MOCOS: variants seen among roughly 807,000 people sequenced by gnomAD.
The protein encoded by MOCOS is human molybdenum cofactor sulfurase.
In MOCOS, 86 loss-of-function variants were observed where a neutral mutation model predicts 83.6. That is an observed-to-expected ratio of 1.03 (90% CI 0.86 to 1.23). MOCOS has a LOEUF of 1.23. Ranked by LOEUF, MOCOS falls within the 50% of genes most tolerant of loss-of-function variation. The pLI is 0.00. For missense variants in MOCOS, 1,120 were observed against 1,126.9 expected, an observed-to-expected ratio of 0.99 and a Z score of 0.09; for synonymous variants, 445 against 434.7, an observed-to-expected ratio of 1.02 and a Z score of -0.29.
chr18:36,188,373 C>T (rs540993708), intron 1 of MOCOS, among the ~76,000 whole-genome samples: 2 of 152,360 alleles, frequency 1.3e-5, no homozygotes, highest in African/African-American at 4.8e-5. Flanking sequence ...AAGATCACAT[C>T]GTGCCTTTCC....
At chr18:36,208,958 G>A (rs1469923649) in intron 6 of MOCOS, among the ~76,000 whole-genome samples, 2 of 152,104 alleles carry the variant, frequency 1.3e-5, no homozygotes, top group East Asian at 1.9e-4. Flanking sequence ...TTATTTTGAT[G>A]TATGTTCCTT....
chr18:36,219,832 G>A (rs1432759750), intron 8 of MOCOS, among the ~76,000 whole-genome samples: 1 of 152,228 alleles, frequency 6.6e-6, no homozygotes, highest in Non-Finnish European at 1.5e-5. Context: ...AAGTGGAGAA[G>A]GGTGGAGTGT....
In MOCOS at chr18:36,244,203, G is replaced by A. The variant is rs534000005; in HGVS notation, c.1961-4719G>A. 1.3e-5 allele frequency among the ~76,000 whole-genome samples: 2 copies of A among 151,734 alleles called. 1 individual carries two copies. The highest frequency in any genetic ancestry group is 1.3e-4 in the Admixed American group (2 of 15,230). ...TTTCTTTATTCTCTAGTTTTTTGAG[G>A]TGTGACCTTAGATTATTTATTTGTG... is the stretch of plus-strand genomic sequence containing the variant. On this transcript the variant is annotated intron_variant, in intron 9 of 14. Coordinates refer to ENST00000261326, the MANE Select transcript of MOCOS (RefSeq NM_017947.4).
chr18:36,226,324 A>T (rs2091515128), intron 9 of MOCOS, among the ~76,000 whole-genome samples: 1 of 152,158 alleles, frequency 6.6e-6, no homozygotes, highest in African/African-American at 2.4e-5. Flanking sequence ...TTTAATGGAC[A>T]TAATTATAGC....
intron 8 of MOCOS, 81 bp downstream of exon 8, chr18:36,216,058 A>G: frequency 1.5e-6 from 2 of 1,373,328 alleles, no homozygotes; most frequent in Non-Finnish European, 2.0e-6. Flanking sequence ...AAAAGCATGA[A>G]AAAAATCAAA....
chr18:36,195,458 A>G, intron 2 of MOCOS, 112 bp downstream of exon 2: 1 of 1,008,418 alleles, frequency 9.9e-7, no homozygotes, highest in Non-Finnish European at 1.5e-6. Context: ...AAAAAGCTGA[A>G]TAAGCCCCAT....
chr18:36,227,833 A>C (rs1258171925), intron 9 of MOCOS, among the ~76,000 whole-genome samples: 1 of 152,248 alleles, frequency 6.6e-6, no homozygotes, highest in Non-Finnish European at 1.5e-5. Flanking sequence ...AAAAATTGAC[A>C]AATGGGATAT....
At chr18:36,232,037 G>A (rs565179852) in intron 9 of MOCOS, among the ~76,000 whole-genome samples, 2 of 152,088 alleles carry the variant, frequency 1.3e-5, no homozygotes, top group Non-Finnish European at 2.9e-5. Context: ...CACAATCTCA[G>A]CTCACTGCAA....
intron 3 of MOCOS, 70 bp from the exon 4 acceptor site, chr18:36,199,612 TA>T: frequency 6.2e-7 from 1 of 1,603,984 alleles, no homozygotes; most frequent in South Asian, 1.1e-5. Flanking sequence ...TTAATAGAAA[TA>T]AAACAGCCTG....
intron 9 of MOCOS, among the ~76,000 whole-genome samples, chr18:36,241,121 A>C (rs981979920): frequency 4.6e-5 from 7 of 152,074 alleles, no homozygotes; most frequent in Non-Finnish European, 1.0e-4. Flanking sequence ...GGAGCTGTAG[A>C]CCGGAGCTGT....
chr18:36,220,715 G>T (rs2091493005), intron 9 of MOCOS, among the ~76,000 whole-genome samples: 1 of 152,038 alleles, frequency 6.6e-6, no homozygotes, highest in South Asian at 2.1e-4. Flanking sequence ...GAGGTCAAAA[G>T]TTCGAGACCA....
At chr18:36,201,751 G>C (rs2091415942) in intron 4 of MOCOS, among the ~76,000 whole-genome samples, 1 of 151,500 alleles carries the variant, frequency 6.6e-6, no homozygotes. Context: ...ATGTTAGGAG[G>C]CTATTTGATG....
intron 1 of MOCOS, among the ~76,000 whole-genome samples, chr18:36,190,675 G>C (rs2091361369): frequency 6.6e-6 from 1 of 152,024 alleles, no homozygotes; most frequent in Admixed American, 6.6e-5. Context: ...CTTGAGCCTG[G>C]AAAGTCAGAG....
chr18:36,238,479 T>C (rs1316371875), intron 9 of MOCOS, among the ~76,000 whole-genome samples: 1 of 149,370 alleles, frequency 6.7e-6, no homozygotes, highest in Non-Finnish European at 1.5e-5. Flanking sequence ...TCTAGTTTGA[T>C]TGCACTGTGG....
chr18:36,194,634 A>T (rs1257289792), intron 1 of MOCOS, among the ~76,000 whole-genome samples: 1 of 152,226 alleles, frequency 6.6e-6, no homozygotes, highest in Non-Finnish European at 1.5e-5. Context: ...CTGAGCATAA[A>T]GGTGTACCTG....
At position 36,248,930 on chromosome 18, in the gene MOCOS, C is replaced by T. The variant is rs528320587; in HGVS notation, c.1969C>T (p.Pro657Ser). Reference protein sequence around the residue: ...IMVIKAKGMEPIEVPLEENSE... With the variant: ...IMVIKAKGMESIEVPLEENSE... ...TAACCTTTGTTCATTAGGGATGGAG[C>T]CTATAGAGGTGCCTCTTGAGGAAAA... Residue 657 changes from proline (P) to serine (S), a missense_variant, in exon 10 of 15, where the codon CCT becomes TCT. By Grantham distance (74) the Pro-to-Ser change is moderately conservative. Transcript: ENST00000261326. The T allele has an allele frequency of 1.9e-6, 3 of 1,613,656 alleles. No individual in the cohort carries two copies. Among genetic ancestry groups the T allele is most frequent in the African/African-American group, 2.7e-5 (2 of 74,866 alleles).
chr18:36,189,645 GT>G (rs2091357121), intron 1 of MOCOS, among the ~76,000 whole-genome samples: 1 of 152,156 alleles, frequency 6.6e-6, no homozygotes, highest in Non-Finnish European at 1.5e-5. Flanking sequence ...TGAAGGGAGA[GT>G]ATTGAATATA....
chr18:36,214,244 C>CAAAAAAAAAAAAAAAAAAAGAAAAA (rs33965546), intron 7 of MOCOS, among the ~76,000 whole-genome samples: 2 of 91,394 alleles, frequency 2.2e-5, no homozygotes, highest in African/African-American at 4.5e-5. Context: ...AACTCAGTCT[C>CAAAAAAAAAAAAAAAAAAAGAAAAA]AAAAAAAAAA....
At chr18:36,268,392 G>A (rs2091688441) in intron 14 of MOCOS, 141 bp from the exon 15 acceptor site, 1 of 1,011,728 alleles carries the variant, frequency 9.9e-7, no homozygotes, top group Admixed American at 2.0e-5. Flanking sequence ...ATTCTACTGT[G>A]TAACAGATAG....
Sources: gnomAD v4.1 joint callset for allele counts (sites outside exome capture counted in the v4.1 genomes callset) on GRCh38, gnomAD v4.1.1 for gene constraint, MANE v1.5 for transcripts, NCBI Gene and HGNC (gene_info 2026-07-23, HGNC 2026-07-21) for gene names.